Variants in NPEPL1 observed in about 807,000 individuals in gnomAD.
NPEPL1 encodes the protein aminopeptidase like 1, also known as probable aminopeptidase NPEPL1.
A neutral mutation model predicts 52.4 loss-of-function variants in NPEPL1; 45 were observed. The observed-to-expected ratio is 0.86, with a 90% confidence interval of 0.68 to 1.10. The LOEUF (loss-of-function observed/expected upper bound fraction) is 1.10. NPEPL1 is among the 50% of genes least tolerant of loss of function. NPEPL1 has a pLI of 0.00. For missense variants in NPEPL1, 696 were observed against 710.9 expected (o/e 0.98, Z 0.24); for synonymous variants, 360 against 314.7 (o/e 1.14, Z -1.52).
At position 58,710,365 on chromosome 20, in the gene NPEPL1, G is replaced by A. The variant is rs530032166; in HGVS notation, c.901-2114G>A. ...GACTATTTCTGCAATTTTTTTGTAA[G>A]TTTGAAATTATTTCACAGTGAAATG... On this transcript the variant is annotated intron_variant, in intron 7 of 11. Coordinates refer to ENST00000356091, the MANE Select transcript of NPEPL1 (RefSeq NM_024663.4). Among the ~76,000 whole-genome samples the A allele has an allele frequency of 7.9e-5, 12 of 152,158 alleles. No individual in the cohort carries two copies. In the East Asian group the frequency reaches 2.3e-3, roughly 29 times the overall value.
At chr20:58,695,432 G>A (rs2084467725) in intron 3 of NPEPL1, among the ~76,000 whole-genome samples, 1 of 151,256 alleles carries the variant, frequency 6.6e-6, no homozygotes, top group Admixed American at 6.6e-5. Flanking sequence ...TGCAAGGCCG[G>A]AAGTGATTTC....
intron 7 of NPEPL1, among the ~76,000 whole-genome samples, chr20:58,712,163 G>A (rs572816196): frequency 2.6e-5 from 4 of 152,254 alleles, no homozygotes; most frequent in South Asian, 4.1e-4. Flanking sequence ...ACCTTCTGTC[G>A]GCACAGGTTG....
At chr20:58,694,734 G>C (rs975961692) in intron 3 of NPEPL1, 142 bp downstream of exon 3, 5 of 910,722 alleles carry the variant, frequency 5.5e-6, no homozygotes, top group Non-Finnish European at 8.0e-6. Flanking sequence ...CCTGGGAAGC[G>C]GCAGAGGCTT....
chr20:58,695,050 TTGCTGGTGTGTGCA>T (rs2084442344), intron 3 of NPEPL1, among the ~76,000 whole-genome samples: 4 of 5,658 alleles, frequency 7.1e-4, no homozygotes, highest in African/African-American at 7.2e-4. Context: ...CTGTGTATGT[TTGCTGGTGTGTGCA>T]TGAGTGGTGT....
upstream of NPEPL1, chr20:58,691,607 T>A: frequency 1.6e-6 from 1 of 635,594 alleles, no homozygotes. Flanking sequence ...GTTAGGGAGC[T>A]AGGGGGCCAG....
chr20:58,692,086 C>T (rs945072768), upstream of NPEPL1: 7 of 524,942 alleles, frequency 1.3e-5, no homozygotes, highest in East Asian at 9.3e-5. The surrounding 1 kb of genome is among the most constrained non-coding windows in gnomAD (Gnocchi z 5.7). Flanking sequence ...CCTGCTTAGA[C>T]TGTGCCAGAT....
At chr20:58,693,198 C>T (rs1236500163) in intron 1 of NPEPL1, 148 bp downstream of exon 1, 1 of 467,592 alleles carries the variant, frequency 2.1e-6, no homozygotes, top group Non-Finnish European at 2.8e-6. Flanking sequence ...GGCTCAGCCG[C>T]CAGGCCAGTC....
chr20:58,703,795 A>T (rs1601116672), intron 6 of NPEPL1: 1 of 980,482 alleles, frequency 1.0e-6, no homozygotes, highest in Non-Finnish European at 1.2e-6. Flanking sequence ...CACAGCCTTC[A>T]GGGAAGCTGT....
chr20:58,695,030 GTA>G (rs1568847545), intron 3 of NPEPL1, among the ~76,000 whole-genome samples: 1 of 2,942 alleles, frequency 3.4e-4, no homozygotes, highest in Admixed American at 3.8e-3. Context: ...TGTGTGTGTG[GTA>G]TGTGTTGCTG....
chr20:58,715,313 G>T lies in NPEPL1; in HGVS notation c.1559G>T (p.Arg520Leu), dbSNP rs369185988. The change falls in exon 12 of 12, where the codon CGC becomes CTC. Residue 520 changes from arginine (R) to leucine (L), a missense_variant. Coordinates refer to ENST00000356091, the MANE Select transcript of NPEPL1 (RefSeq NM_024663.4). The stretch of plus-strand genomic sequence containing the variant: ...GACCTGGGGAGGGACTCCAAGAGAC[G>T]CAGGCTTGTGTGAGCCTCCTGCCTC... ...EGDLGRDSKR[R>L]RLV The T allele has an allele frequency of 6.8e-6, 11 of 1,607,616 alleles. No individual in the cohort carries two copies. The East Asian group carries it at 1.3e-4, about 20-fold the overall frequency.
At chr20:58,691,713 T>TGA, upstream of NPEPL1, 1 of 717,274 alleles carries the variant, frequency 1.4e-6, no homozygotes, top group Non-Finnish European at 2.2e-6. Flanking sequence ...TTTTTTTTTT[T>TGA]TCATTTTTAG....
intron 6 of NPEPL1, among the ~76,000 whole-genome samples, chr20:58,704,872 CTT>C (rs1379359315): frequency 1.3e-5 from 2 of 152,200 alleles, no homozygotes; most frequent in Admixed American, 1.3e-4. Context: ...CATGAATAGA[CTT>C]TTGGGCTCTG....
At chr20:58,710,595 A>G (rs1219004385) in intron 7 of NPEPL1, among the ~76,000 whole-genome samples, 4 of 152,014 alleles carry the variant, frequency 2.6e-5, no homozygotes, top group African/African-American at 7.3e-5. Flanking sequence ...GACCCTTCCC[A>G]CGCTGTCGCT....
At chr20:58,692,665 C>T (rs2084374803), upstream of NPEPL1, 2 of 298,002 alleles carry the variant, frequency 6.7e-6, no homozygotes, top group African/African-American at 2.3e-5. This position sits in a 1 kb window ranked among gnomAD's most constrained non-coding sequence, Gnocchi z 5.7. Flanking sequence ...GGGCCGGCTT[C>T]GGGCCTGCCC....
intron 2 of NPEPL1, among the ~76,000 whole-genome samples, 173 bp from the exon 3 acceptor site, chr20:58,694,249 G>GT (rs942931278): frequency 1.3e-5 from 2 of 152,208 alleles, no homozygotes; most frequent in African/African-American, 4.8e-5. Context: ...ACCAATGGTG[G>GT]TCCCATGGTT....
chr20:58,711,964 C>T (rs1390808859), intron 7 of NPEPL1, among the ~76,000 whole-genome samples: 1 of 152,200 alleles, frequency 6.6e-6, no homozygotes, highest in Non-Finnish European at 1.5e-5. Flanking sequence ...GGTCAGGGGG[C>T]ACCCTTAGAA....
chr20:58,710,418 C>A (rs2084812223), intron 7 of NPEPL1, among the ~76,000 whole-genome samples: 1 of 152,048 alleles, frequency 6.6e-6, no homozygotes, highest in South Asian at 2.1e-4. Context: ...AGAGGATGTA[C>A]CATTCAAAGA....
chr20:58,714,468 T>C (rs1416412394), intron 10 of NPEPL1, 92 bp from the exon 11 acceptor site: 1 of 941,850 alleles, frequency 1.1e-6, no homozygotes, highest in Non-Finnish European at 1.6e-6. Context: ...CCCGAGCTCC[T>C]TGCAGACAGC....
At chr20:58,700,587 G>C (rs1019778057) in intron 5 of NPEPL1, among the ~76,000 whole-genome samples, 2 of 152,250 alleles carry the variant, frequency 1.3e-5, no homozygotes, top group South Asian at 4.1e-4. Flanking sequence ...GTAAACCAAA[G>C]AGGCAGTGGT....
Sources: gnomAD v4.1 joint callset for allele counts (sites outside exome capture counted in the v4.1 genomes callset) on GRCh38, gnomAD v4.1.1 for gene constraint, Gnocchi (gnomAD v3.1) non-coding constraint, MANE v1.5 for transcripts, NCBI Gene and HGNC (gene_info 2026-07-23, HGNC 2026-07-21) for gene names.